Variants in MAP2 observed in about 807,000 individuals in gnomAD.
The protein encoded by MAP2 is microtubule associated protein 2.
MAP2 carries 14 observed loss-of-function variants against 137.6 expected under a neutral mutation model. The ratio of observed to expected loss-of-function variants is 0.10; its 90% CI spans 0.07 to 0.16. MAP2 has a LOEUF of 0.16. MAP2 is among the 10% of genes least tolerant of loss of function. The pLI is 1.00. For synonymous variants in MAP2, 786 were observed against 782.3 expected, an observed-to-expected ratio of 1.00 and a Z score of -0.08; for missense variants, 2,088 against 2,191.5, an observed-to-expected ratio of 0.95 and a Z score of 0.94.
chr2:209,602,077 T>C (rs780352586), intron 3 of MAP2, among the ~76,000 whole-genome samples: 1 of 152,194 alleles, frequency 6.6e-6, no homozygotes. Flanking sequence ...TTGTTGTTGT[T>C]TTTCTAAACT....
At chr2:209,595,957 G>C (rs1236628738) in intron 3 of MAP2, among the ~76,000 whole-genome samples, 1 of 152,108 alleles carries the variant, frequency 6.6e-6, no homozygotes, top group East Asian at 1.9e-4. Flanking sequence ...GCCTGTCATG[G>C]GGTAGGAGGC....
chr2:209,447,376 G>C (rs1464878632), intron 1 of MAP2, among the ~76,000 whole-genome samples: 1 of 151,912 alleles, frequency 6.6e-6, no homozygotes, highest in Non-Finnish European at 1.5e-5. Context: ...TAAACTACCT[G>C]TTGTGGATCA....
chr2:209,448,302 A>G (rs1042183443), intron 1 of MAP2, among the ~76,000 whole-genome samples: 3 of 152,128 alleles, frequency 2.0e-5, no homozygotes, highest in African/African-American at 7.2e-5. Flanking sequence ...CCATGAAAAG[A>G]CCATTTCAGT....
chr2:209,640,235 T>C (rs557742846), intron 4 of MAP2, among the ~76,000 whole-genome samples: 1 of 152,250 alleles, frequency 6.6e-6, no homozygotes, highest in African/African-American at 2.4e-5. Flanking sequence ...CACTGTATTA[T>C]TGTTATTGGT....
At chr2:209,452,844 T>C (rs920491343) in intron 1 of MAP2, among the ~76,000 whole-genome samples, 3 of 152,210 alleles carry the variant, frequency 2.0e-5, no homozygotes, top group Non-Finnish European at 4.4e-5. Flanking sequence ...TATAGCATTC[T>C]TTTATTTAAC....
intron 4 of MAP2, among the ~76,000 whole-genome samples, chr2:209,637,512 G>A (rs1284282601): frequency 1.3e-5 from 2 of 151,724 alleles, no homozygotes; most frequent in East Asian, 3.9e-4. Flanking sequence ...AGATAAGATA[G>A]GATGAGATGA....
At chr2:209,594,134 GAAAAAAAAAAAA>G (rs555177048) in intron 3 of MAP2, among the ~76,000 whole-genome samples, 2 of 81,476 alleles carry the variant, frequency 2.5e-5, no homozygotes, top group African/African-American at 4.4e-5. Flanking sequence ...GGTAACAGAT[GAAAAAAAAAAAA>G]AAAAAAAAGC....
intron 3 of MAP2, among the ~76,000 whole-genome samples, chr2:209,585,535 A>G (rs561256633): frequency 1.3e-5 from 2 of 152,082 alleles, no homozygotes; most frequent in South Asian, 2.1e-4. Context: ...TTTTTATCCT[A>G]TTGCTTTTAA....
intron 4 of MAP2, among the ~76,000 whole-genome samples, chr2:209,634,184 A>G (rs928142778): frequency 5.9e-5 from 9 of 152,120 alleles, no homozygotes; most frequent in Non-Finnish European, 1.3e-4. Flanking sequence ...TGCTGTCAAG[A>G]TTTGCTGTGC....
intron 13 of MAP2, among the ~76,000 whole-genome samples, chr2:209,711,664 G>A (rs1158926237): frequency 6.6e-6 from 1 of 152,140 alleles, no homozygotes; most frequent in Non-Finnish European, 1.5e-5. Flanking sequence ...ACATGCAAGA[G>A]AAGGAAATAT....
At chr2:209,568,825 G>T (rs2073926097) in intron 2 of MAP2, among the ~76,000 whole-genome samples, 1 of 151,716 alleles carries the variant, frequency 6.6e-6, no homozygotes, top group Admixed American at 6.6e-5. Context: ...AGATGGTTCT[G>T]CTTGACTGGT....
chr2:209,496,113 T>C (rs1460360787), intron 1 of MAP2, among the ~76,000 whole-genome samples: 1 of 152,234 alleles, frequency 6.6e-6, no homozygotes, highest in Non-Finnish European at 1.5e-5. Context: ...TTTGTATGAA[T>C]AATACAATGT....
rs553158026 is a variant in MAP2, at chr2:209,562,916, A to T, written c.-171-17120A>T. Among the ~76,000 whole-genome samples the T allele has an allele frequency of 3.9e-5, 6 of 152,340 alleles. No homozygotes were observed. The East Asian group carries it at 9.6e-4, about 24-fold the overall frequency. The stretch of plus-strand genomic sequence containing the variant: ...AAAAATTGAATCATTAATGTTAGTT[A>T]TCCACACATCTCAGGATATTAAAAG... On this transcript the variant is annotated intron_variant, in intron 2 of 15. Coordinates refer to ENST00000682079, the MANE Select transcript of MAP2 (RefSeq NM_001375505.1).
intron 3 of MAP2, among the ~76,000 whole-genome samples, chr2:209,583,127 A>ATCCATCTGTCTG (rs1425335316): frequency 7.8e-6 from 1 of 128,572 alleles, no homozygotes; most frequent in Non-Finnish European, 1.6e-5. Context: ...CTATCTATCT[A>ATCCATCTGTCTG]TCTATCCATC....
intron 1 of MAP2, among the ~76,000 whole-genome samples, chr2:209,488,176 G>A (rs538235516): frequency 2.0e-5 from 3 of 152,270 alleles, no homozygotes; most frequent in Admixed American, 1.3e-4. Context: ...CAGGAAGCAC[G>A]AGGGGTCAGG....
At chr2:209,721,856 G>C (rs1489931054) in intron 13 of MAP2, 2 of 152,058 alleles carry the variant, frequency 1.3e-5, no homozygotes, top group African/African-American at 4.8e-5. Context: ...CTATGTCATT[G>C]CCAAAATAAT....
intron 1 of MAP2, among the ~76,000 whole-genome samples, chr2:209,499,681 C>A (rs1307151908): frequency 6.6e-6 from 1 of 152,096 alleles, no homozygotes; most frequent in Non-Finnish European, 1.5e-5. Flanking sequence ...TCTGGGGAGG[C>A]CTCAGGGGGC....
chr2:209,722,106 T>C (rs766014570), intron 13 of MAP2: 3 of 152,238 alleles, frequency 2.0e-5, no homozygotes, highest in Non-Finnish European at 4.4e-5. Flanking sequence ...CTCCGTCTTA[T>C]GTGAAACATT....
At chr2:209,554,758 T>C (rs991278005) in intron 2 of MAP2, among the ~76,000 whole-genome samples, 11 of 151,374 alleles carry the variant, frequency 7.3e-5, no homozygotes, top group Non-Finnish European at 1.6e-4. Context: ...CAAAAAAAAA[T>C]TAAAATTAAA....
Sources: allele counts gnomAD v4.1 joint callset (sites outside exome capture counted in the v4.1 genomes callset), GRCh38; gene constraint gnomAD v4.1.1; transcripts MANE v1.5; gene names NCBI Gene and HGNC (gene_info 2026-07-23, HGNC 2026-07-21).